Variants in PCDH9 observed in about 807,000 individuals in gnomAD.
PCDH9 encodes protocadherin 9, also known as protocadherin-9.
In PCDH9, 24 loss-of-function variants were observed where a neutral mutation model predicts 70.6. That is an observed-to-expected ratio of 0.34 (90% CI 0.25 to 0.48). The LOEUF (loss-of-function observed/expected upper bound fraction) is 0.48, where lower values mean the gene tolerates loss of function less well. PCDH9 is among the 20% of genes least tolerant of loss of function. PCDH9 has a pLI of 0.99. For synonymous variants in PCDH9, 562 were observed against 558.5 expected (o/e 1.01, Z -0.09); for missense variants, 1,281 against 1,503.6 (o/e 0.85, Z 2.45).
At chr13:66,604,242 T>C (rs2077195713) in intron 4 of PCDH9, among the ~76,000 whole-genome samples, 1 of 151,988 alleles carries the variant, frequency 6.6e-6, no homozygotes, top group Non-Finnish European at 1.5e-5. Flanking sequence ...AAGGGAGATA[T>C]TCTTTTTCAG....
chr13:67,182,790 G>C (rs1380620658), intron 2 of PCDH9, among the ~76,000 whole-genome samples: 3 of 151,962 alleles, frequency 2.0e-5, no homozygotes, highest in African/African-American at 7.2e-5. Context: ...TTATTCTGGG[G>C]TACCCTCTTC....
At chr13:67,126,870 G>A (rs1489316395) in intron 2 of PCDH9, among the ~76,000 whole-genome samples, 1 of 152,062 alleles carries the variant, frequency 6.6e-6, no homozygotes, top group Non-Finnish European at 1.5e-5. Flanking sequence ...AAATAAAATA[G>A]GGATGTCTAT....
chr13:67,077,744 T>C (rs2085905383), intron 2 of PCDH9, among the ~76,000 whole-genome samples: 1 of 152,120 alleles, frequency 6.6e-6, no homozygotes, highest in Admixed American at 6.6e-5. Context: ...TGTCAATCTG[T>C]TTCCCTCACA....
At chr13:66,545,214 G>T (rs1474105741) in intron 4 of PCDH9, among the ~76,000 whole-genome samples, 1 of 152,014 alleles carries the variant, frequency 6.6e-6, no homozygotes, top group Non-Finnish European at 1.5e-5. Context: ...AAGGCAAATA[G>T]GAAAATAGCT....
At chr13:66,606,932 T>C (rs1325195038) in intron 4 of PCDH9, among the ~76,000 whole-genome samples, 2 of 152,160 alleles carry the variant, frequency 1.3e-5, no homozygotes, top group Non-Finnish European at 2.9e-5. Flanking sequence ...TCTGTGATAC[T>C]AGATGGTGGT....
At chr13:66,866,728 C>T (rs1340581265) in intron 3 of PCDH9, among the ~76,000 whole-genome samples, 3 of 152,008 alleles carry the variant, frequency 2.0e-5, no homozygotes, top group African/African-American at 7.3e-5. Flanking sequence ...ACCCAGGATA[C>T]GGAGGTTGCA....
chr13:67,004,369 G>A (rs752199440), intron 2 of PCDH9, among the ~76,000 whole-genome samples: 110 of 151,700 alleles, frequency 7.3e-4, no homozygotes, highest in Non-Finnish European at 1.3e-3. Flanking sequence ...TCAGGAGTTC[G>A]AGACCAGCCT....
chr13:66,621,696 A>T (rs907482116), intron 4 of PCDH9, among the ~76,000 whole-genome samples: 2 of 152,196 alleles, frequency 1.3e-5, no homozygotes, highest in African/African-American at 2.4e-5. Context: ...CCAAAGACAA[A>T]CAAAAAACAA....
chr13:66,936,476 T>A (rs187940288), intron 2 of PCDH9, among the ~76,000 whole-genome samples: 3 of 152,250 alleles, frequency 2.0e-5, no homozygotes, highest in Admixed American at 1.3e-4. Flanking sequence ...GAAGAAAAAA[T>A]TTAACTCAAT....
rs191491133 is a variant in PCDH9 at position 66,998,236 on chromosome 13, G to T, written c.3037-94631C>A. Among the ~76,000 whole-genome samples, 369 of 152,304 alleles carry T rather than the reference G, an allele frequency of 2.4e-3. 6 individuals are homozygous for T. Among genetic ancestry groups the T allele is most frequent in the Admixed American group, 0.022 (340 of 15,296 alleles). On this transcript the variant is annotated intron_variant, in intron 2 of 4. Coordinates refer to ENST00000377865, the MANE Select transcript of PCDH9 (RefSeq NM_203487.3). ...AATCAAGGAGATTAGAAGAGGGCAG[G>T]AATAGCAAGGAGATGATAATCTGGA...
intron 2 of PCDH9, among the ~76,000 whole-genome samples, chr13:67,063,688 G>A (rs1000101086): frequency 6.6e-6 from 1 of 152,030 alleles, no homozygotes; most frequent in Admixed American, 6.6e-5. Flanking sequence ...AGCCATTTGG[G>A]TTTGATTTTA....
At chr13:66,573,004 C>A (rs1034105570) in intron 4 of PCDH9, among the ~76,000 whole-genome samples, 2 of 151,952 alleles carry the variant, frequency 1.3e-5, no homozygotes, top group Non-Finnish European at 2.9e-5. Flanking sequence ...TGTGAGAAAC[C>A]CCAATACTGT....
At chr13:66,922,758 T>C (rs1415666518) in intron 2 of PCDH9, among the ~76,000 whole-genome samples, 6 of 151,526 alleles carry the variant, frequency 4.0e-5, no homozygotes, top group African/African-American at 1.5e-4. Flanking sequence ...GAGGAGCTTA[T>C]TCTTTTTCAG....
At chr13:67,006,467 C>G (rs1306908813) in intron 2 of PCDH9, among the ~76,000 whole-genome samples, 1 of 152,208 alleles carries the variant, frequency 6.6e-6, no homozygotes, top group African/African-American at 2.4e-5. Flanking sequence ...ATTGCCAAGT[C>G]TCAATCCCTA....
At chr13:67,134,949 TA>T (rs1169196176) in intron 2 of PCDH9, among the ~76,000 whole-genome samples, 4 of 152,114 alleles carry the variant, frequency 2.6e-5, no homozygotes, top group Non-Finnish European at 5.9e-5. Context: ...TGTATGTAGT[TA>T]AAGGGTACCA....
chr13:67,204,526 G>A (rs949546329), intron 2 of PCDH9: 6 of 152,058 alleles, frequency 3.9e-5, no homozygotes, highest in African/African-American at 1.4e-4. Flanking sequence ...TAATTGTGGA[G>A]GTAGAAAACA....
At chr13:67,200,795 C>G (rs1007989310) in intron 2 of PCDH9, among the ~76,000 whole-genome samples, 1 of 151,914 alleles carries the variant, frequency 6.6e-6, no homozygotes, top group Non-Finnish European at 1.5e-5. Context: ...GGGGGGAAGC[C>G]CAGCCTGTGT....
chr13:67,172,995 C>T (rs999007487), intron 2 of PCDH9, among the ~76,000 whole-genome samples: 6 of 150,752 alleles, frequency 4.0e-5, no homozygotes, highest in African/African-American at 1.5e-4. Flanking sequence ...GAAAACATAA[C>T]TTTGCAACCC....
chr13:67,185,761 T>C (rs988934229), intron 2 of PCDH9, among the ~76,000 whole-genome samples: 3 of 152,202 alleles, frequency 2.0e-5, no homozygotes, highest in Non-Finnish European at 4.4e-5. Context: ...AGATGGAGTT[T>C]CACTCTTGTT....
Sources: allele counts gnomAD v4.1 joint callset (sites outside exome capture counted in the v4.1 genomes callset), GRCh38; gene constraint gnomAD v4.1.1; transcripts MANE v1.5; gene names NCBI Gene and HGNC (gene_info 2026-07-23, HGNC 2026-07-21).